The following SCUBE1 variants were observed in gnomAD, a reference collection of about 807,000 sequenced individuals.
SCUBE1 encodes signal peptide, CUB domain and EGF like domain containing 1.
Under a neutral mutation model 124.4 loss-of-function variants are expected in SCUBE1, and 59 were observed. The ratio of observed to expected loss-of-function variants is 0.47; its 90% CI spans 0.38 to 0.59. The LOEUF (loss-of-function observed/expected upper bound fraction) is 0.59, where lower values mean the gene tolerates loss of function less well. SCUBE1 is among the 20% of genes least tolerant of loss of function. The pLI is 0.00. For missense variants in SCUBE1, 1,150 were observed against 1,371.2 expected (o/e 0.84, Z 2.55); for synonymous variants, 545 against 550.9 (o/e 0.99, Z 0.15).
chr22:43,214,217 C>A lies in SCUBE1; in HGVS notation c.1926G>T (p.Glu642Asp), dbSNP rs756536393. The change falls in exon 16 of 22, where the codon GAG (glutamate) becomes GAT (aspartate). Residue 642 changes from glutamate to aspartate, a missense_variant. By Grantham distance (45) the Glu-to-Asp change is conservative. Coordinates refer to ENST00000360835, the MANE Select transcript of SCUBE1 (RefSeq NM_173050.5). ...GCATACATGACACACACTGGCCGAG[C>A]TCACCACCGAAGTGGGTGCCAGGCC... is the stretch of plus-strand genomic sequence containing the variant. Reference protein sequence around the residue: ...ACGPGTHFGGELGQCVSCMPG... With the variant: ...ACGPGTHFGGDLGQCVSCMPG... 3.1e-6 allele frequency: 5 copies of A among 1,612,730 alleles called. No homozygotes were observed. The Admixed American group carries it at 6.7e-5, about 22-fold the overall frequency.
Position 43,211,270 on chromosome 22 carries a change from G to C in SCUBE1, c.2222-187C>G, listed in dbSNP as rs752052405. On this transcript the variant is annotated intron_variant, in intron 17 of 21. Coordinates refer to ENST00000360835, the MANE Select transcript of SCUBE1 (RefSeq NM_173050.5). The surrounding 1 kb of genome is among the most constrained non-coding windows in gnomAD (Gnocchi z 4.5). ...GCCATGGCCAGGAAGAGCCCTTGGC[G>C]TGGGGGTCACATGGCAGATTGATGT... Among the ~76,000 whole-genome samples, 1 of 152,200 alleles carries C rather than the reference G, an allele frequency of 6.6e-6. No homozygotes were observed. Among genetic ancestry groups the C allele is most frequent in the Admixed American group, 6.5e-5 (1 of 15,290 alleles).
At chr22:43,342,504 GC>G (rs145967925) in intron 1 of SCUBE1, among the ~76,000 whole-genome samples, 2,443 of 145,006 alleles carry the variant, frequency 0.017, 28 homozygotes, top group Middle Eastern at 0.03. Context: ...CCCTCTCACC[GC>G]CCCCCCCAAC....
At chr22:43,242,983 C>A (rs557416437) in intron 6 of SCUBE1, among the ~76,000 whole-genome samples, 1 of 152,230 alleles carries the variant, frequency 6.6e-6, no homozygotes, top group Non-Finnish European at 1.5e-5. Context: ...TTTGTGGAAC[C>A]CAGCGCAAAA....
At chr22:43,216,026 T>C (rs1601801445) in intron 15 of SCUBE1, among the ~76,000 whole-genome samples, 1 of 152,130 alleles carries the variant, frequency 6.6e-6, no homozygotes, top group Non-Finnish European at 1.5e-5. Context: ...TTTCTGAAAC[T>C]TTGAAATAAT....
intron 4 of SCUBE1, among the ~76,000 whole-genome samples, chr22:43,271,990 A>G (rs1293001287): frequency 6.6e-6 from 1 of 152,168 alleles, no homozygotes; most frequent in Admixed American, 6.5e-5. Context: ...GTGAGGGAGT[A>G]GGGAGCTGAT....
chr22:43,209,379 G>A (rs922629154), intron 19 of SCUBE1, among the ~76,000 whole-genome samples: 9 of 152,206 alleles, frequency 5.9e-5, no homozygotes, highest in Admixed American at 1.3e-4. Context: ...GGACAGGTGC[G>A]CTGCAGGTAT....
chr22:43,202,442 C>A lies in SCUBE1; in HGVS notation c.*1555G>T, dbSNP rs898477114. On this transcript the variant is annotated 3_prime_UTR_variant, in exon 22 of 22. Coordinates refer to ENST00000360835, the MANE Select transcript of SCUBE1 (RefSeq NM_173050.5). ...TATTTGTTAACCTGAAACACACAGA[C>A]CATTTCCCATGCAGGTCCTACAGCT... 6.6e-6 allele frequency: 1 copy of A among 152,200 alleles called. No homozygotes were observed. Among genetic ancestry groups the A allele is most frequent in the Non-Finnish European group, 1.5e-5 (1 of 68,026 alleles). The allele number at this position is 152,200 out of a possible 1,614,324, so 9.4% of individuals were successfully genotyped here.
At chr22:43,304,000 T>C (rs6003146) in intron 3 of SCUBE1, among the ~76,000 whole-genome samples, 139,775 of 152,276 alleles carry the variant, frequency 0.92, 64,206 homozygotes, top group East Asian at 1. Flanking sequence ...TCCTCTTCCA[T>C]GCCCTCGTGC....
At chr22:43,337,793 A>C (rs562705034) in intron 2 of SCUBE1, among the ~76,000 whole-genome samples, 7 of 152,158 alleles carry the variant, frequency 4.6e-5, no homozygotes, top group Non-Finnish European at 8.8e-5. Context: ...AGCCCTGTAA[A>C]CGCCTTATAC....
Position 43,218,270 on chromosome 22 carries a change from G to A in SCUBE1, c.1876C>T (p.Gln626Ter), listed in dbSNP as rs767676628. Residue 626 changes from glutamine to a stop codon, truncating the protein, a stop_gained, in exon 15 of 22, where the codon CAG (glutamine) becomes TAG (stop). Coordinates refer to ENST00000360835, the MANE Select transcript of SCUBE1 (RefSeq NM_173050.5). LOFTEE classifies it high-confidence loss of function. ...QGACGAGQVL[Q>*]DSKCVACGPG... ...AAGGACTCACCGCATTTGCTGTCCT[G>A]TAGCACCTGGCCTGCGCCACATGCC... 1 of 1,613,024 alleles carries A rather than the reference G, an allele frequency of 6.2e-7. No homozygotes were observed.
chr22:43,223,058 C>T lies in SCUBE1; in HGVS notation c.1327+39G>A, dbSNP rs576186383. The stretch of plus-strand genomic sequence containing the variant: ...GTGGGACCCCAGGGAGGAAGACCCC[C>T]CTGCCACAGCATCCCATCTCAGGGA... On this transcript the variant is annotated intron_variant, in intron 11 of 21. Coordinates refer to ENST00000360835, the MANE Select transcript of SCUBE1 (RefSeq NM_173050.5). 5 of 1,500,324 alleles carry T rather than the reference C, an allele frequency of 3.3e-6. No individual in the cohort carries two copies. In the African/African-American group the frequency reaches 7.1e-5, roughly 21 times the overall value. The allele number at this position is 1,500,324 out of a possible 1,614,324, so 92.9% of individuals were successfully genotyped here.
rs7291560 is a variant in SCUBE1, at chr22:43,277,094, G to C, written c.484+13952C>G. On this transcript the variant is annotated intron_variant, in intron 4 of 21. Transcript: ENST00000360835. Reference sequence around the variant, plus strand: ...GGAGGCCGAATGAGACAGAGGCAGGGATGCGTAGGTTCCACCTGGGGGATC... The same window carrying C: ...GGAGGCCGAATGAGACAGAGGCAGGCATGCGTAGGTTCCACCTGGGGGATC... Among the ~76,000 whole-genome samples the C allele has an allele frequency of 9.0e-3, 1,372 of 152,058 alleles. 19 individuals carry two copies. The highest frequency in any genetic ancestry group is 0.031 in the African/African-American group (1,297 of 41,448).
intron 4 of SCUBE1, among the ~76,000 whole-genome samples, chr22:43,273,231 G>A (rs1247074016): frequency 6.6e-6 from 1 of 152,206 alleles, no homozygotes; most frequent in Non-Finnish European, 1.5e-5. Flanking sequence ...AGCTGGGACT[G>A]TGATTGGCTC....
intron 10 of SCUBE1, among the ~76,000 whole-genome samples, chr22:43,226,594 T>G (rs1922316110): frequency 8.7e-6 from 1 of 114,784 alleles, no homozygotes; most frequent in African/African-American, 3.3e-5. Flanking sequence ...TGATTCAGAG[T>G]CAAAGGAGGA....
At chr22:43,329,377 C>T (rs1341406259) in intron 2 of SCUBE1, among the ~76,000 whole-genome samples, 1 of 152,244 alleles carries the variant, frequency 6.6e-6, no homozygotes, top group Admixed American at 6.5e-5. Context: ...AGGAGCTGCC[C>T]ACAGCGAGGG....
chr22:43,284,484 G>A (rs745613453), intron 4 of SCUBE1, among the ~76,000 whole-genome samples: 2 of 152,222 alleles, frequency 1.3e-5, no homozygotes, highest in Non-Finnish European at 2.9e-5. Context: ...TACTTGGGCC[G>A]ACAACTGAGA....
intron 3 of SCUBE1, among the ~76,000 whole-genome samples, chr22:43,292,994 G>A (rs374413177): frequency 1.3e-5 from 2 of 152,194 alleles, no homozygotes; most frequent in South Asian, 4.1e-4. Flanking sequence ...GAGGGAGAGG[G>A]ACTATCCTCA....
intron 3 of SCUBE1, among the ~76,000 whole-genome samples, chr22:43,309,686 G>T (rs193151267): frequency 2.0e-5 from 3 of 152,110 alleles, no homozygotes; most frequent in East Asian, 3.9e-4. Context: ...AGACACCTGA[G>T]TCCTGTACCT....
At chr22:43,219,529 A>T (rs1921991525) in intron 14 of SCUBE1, among the ~76,000 whole-genome samples, 1 of 150,422 alleles carries the variant, frequency 6.6e-6, no homozygotes, top group African/African-American at 2.5e-5. Flanking sequence ...GCTGGAGCAC[A>T]GTGGCGCGAT....
Sources: allele counts gnomAD v4.1 joint callset (sites outside exome capture counted in the v4.1 genomes callset), GRCh38; gene constraint gnomAD v4.1.1; non-coding constraint Gnocchi (gnomAD v3.1); transcripts MANE v1.5; gene names NCBI Gene and HGNC (gene_info 2026-07-23, HGNC 2026-07-21).